PUDP: variants seen among roughly 807,000 people sequenced by gnomAD.
The protein encoded by PUDP is pseudouridine-5'-phosphatase.
Under a neutral mutation model 9.4 loss-of-function variants are expected in PUDP, and 8 were observed. The ratio of observed to expected loss-of-function variants is 0.85; its 90% CI spans 0.50 to 1.53. The LOEUF (loss-of-function observed/expected upper bound fraction) is 1.53. Ranked by LOEUF, PUDP falls within the 40% of genes most tolerant of loss-of-function variation. The probability of loss-of-function intolerance (pLI) is 0.00; values close to 1 mark genes in which losing one functional copy is unlikely to be tolerated. For missense variants in PUDP, 188 were observed against 189.7 expected (o/e 0.99, Z 0.05); for synonymous variants, 99 against 80.7 (o/e 1.23, Z -1.22).
Position 6,868,387 on chromosome X carries a change from G to T in PUDP, c.*247+108746C>A, listed in dbSNP as rs1024766025. Reference sequence around the variant, plus strand: ...TCATGATTAAGATTGTATTGAACAGGTCTAAAGGTTCAAGAATATTAGCAA... The same window carrying T: ...TCATGATTAAGATTGTATTGAACAGTTCTAAAGGTTCAAGAATATTAGCAA... On this transcript the variant is annotated intron_variant and NMD_transcript_variant, in intron 3 of 3. Coordinates refer to the PUDP transcript ENST00000655425. Among the ~76,000 whole-genome samples the T allele has an allele frequency of 3.6e-5, 4 of 111,738 alleles. No homozygotes were observed. In the Admixed American group the frequency reaches 3.8e-4, roughly 11 times the overall value.
At chrX:6,901,027 C>T (rs901842430) in intron 3 of PUDP, among the ~76,000 whole-genome samples, 2 of 111,238 alleles carry the variant, frequency 1.8e-5, no homozygotes, top group African/African-American at 6.5e-5. Flanking sequence ...CCGCCCGCCT[C>T]GGCCTCCAAA....
At chrX:6,968,779 C>A (rs1045514640) in intron 3 of PUDP, among the ~76,000 whole-genome samples, 2 of 111,014 alleles carry the variant, frequency 1.8e-5, no homozygotes, top group African/African-American at 6.6e-5. Flanking sequence ...GCCACCATAC[C>A]CAGCTAATTT....
intron 3 of PUDP, among the ~76,000 whole-genome samples, chrX:6,793,033 T>C (rs1320584613): frequency 1.8e-5 from 2 of 112,359 alleles, no homozygotes; most frequent in Non-Finnish European, 3.8e-5. Flanking sequence ...CTGGGTAATT[T>C]ATAAAGAGTA....
At chrX:6,927,004 T>C (rs1363624113) in intron 3 of PUDP, among the ~76,000 whole-genome samples, 1 of 98,504 alleles carries the variant, frequency 1.0e-5, no homozygotes, top group African/African-American at 3.8e-5. Flanking sequence ...CACGGGTCAC[T>C]ACAGCCTCAA....
intron 3 of PUDP, among the ~76,000 whole-genome samples, chrX:6,875,942 T>C (rs758337098): frequency 8.9e-6 from 1 of 112,310 alleles, no homozygotes; most frequent in Non-Finnish European, 1.9e-5. Context: ...TATTATTACA[T>C]AGTTCATTAT....
chrX:6,710,773 T>A (rs1380383830), intron 1 of PUDP, among the ~76,000 whole-genome samples: 1 of 111,486 alleles, frequency 9.0e-6, no homozygotes, highest in African/African-American at 3.3e-5. Context: ...AGGTCTGGGG[T>A]TTTTCTGTGT....
intron 3 of PUDP, among the ~76,000 whole-genome samples, chrX:6,745,574 G>A (rs1158362592): frequency 1.8e-5 from 2 of 111,957 alleles, no homozygotes; most frequent in African/African-American, 6.5e-5. Context: ...TTCTGGAAGT[G>A]GCCAGTGGGT....
chrX:6,794,640 G>A (rs1184841219), intron 3 of PUDP, among the ~76,000 whole-genome samples: 2 of 106,701 alleles, frequency 1.9e-5, no homozygotes, highest in Admixed American at 1.0e-4. Context: ...GTGCAATCTC[G>A]GGTCACTGCA....
chrX:6,780,225 ATG>A (rs755024359), intron 3 of PUDP, among the ~76,000 whole-genome samples: 23 of 109,513 alleles, frequency 2.1e-4, no homozygotes, highest in Middle Eastern at 4.8e-3. Flanking sequence ...ATCTATGAAT[ATG>A]TGTGTGTGTA....
chrX:7,047,791 T>C (rs1319974333), downstream of PUDP, among the ~76,000 whole-genome samples: 1 of 112,687 alleles, frequency 8.9e-6, no homozygotes, highest in Non-Finnish European at 1.9e-5. Flanking sequence ...TACAGAACAA[T>C]GTTCTGCAGA....
At chrX:7,110,476 C>CACA in intron 1 of PUDP, among the ~76,000 whole-genome samples, 1 of 111,642 alleles carries the variant, frequency 9.0e-6, no homozygotes, top group East Asian at 2.8e-4. Context: ...CTGTGAGTTG[C>CACA]GTTATTTACG....
chrX:6,980,218 C>T (rs1397124322), intron 1 of PUDP, among the ~76,000 whole-genome samples: 1 of 79,454 alleles, frequency 1.3e-5, no homozygotes, highest in African/African-American at 4.9e-5. Flanking sequence ...CTTTTCTTTT[C>T]TTTTCTCTGA....
intron 3 of PUDP, among the ~76,000 whole-genome samples, chrX:7,060,338 A>G (rs1183059290): frequency 8.9e-6 from 1 of 112,362 alleles, no homozygotes; most frequent in African/African-American, 3.2e-5. Context: ...TGTTGTTTTC[A>G]CTGGCCTCCC....
chrX:6,982,872 A>C (rs780047962), intron 1 of PUDP, among the ~76,000 whole-genome samples: 1 of 112,527 alleles, frequency 8.9e-6, no homozygotes, highest in Admixed American at 9.4e-5. Context: ...GATTTCTCTC[A>C]CTGTCATACT....
chrX:7,039,422 C>T (rs996455519), intron 1 of PUDP, among the ~76,000 whole-genome samples: 1 of 112,032 alleles, frequency 8.9e-6, no homozygotes, highest in African/African-American at 3.2e-5. Flanking sequence ...ACCCAGTACC[C>T]GGAATGTGAT....
At chrX:7,026,580 C>T (rs143832995) in intron 1 of PUDP, among the ~76,000 whole-genome samples, 1 of 111,652 alleles carries the variant, frequency 9.0e-6, no homozygotes, top group Admixed American at 9.5e-5. Flanking sequence ...GGCCCCCATG[C>T]GGTTGGTCTC....
intron 3 of PUDP, among the ~76,000 whole-genome samples, chrX:6,794,939 CTTTTGACTGTT>C (rs1287616144): frequency 1.2e-5 from 1 of 84,565 alleles, no homozygotes; most frequent in African/African-American, 4.5e-5. Flanking sequence ...TTTTTTTTAG[CTTTTGACTGTT>C]TTATAAAAAC....
intron 3 of PUDP, among the ~76,000 whole-genome samples, chrX:6,802,905 ACATAACATAACATAACATAACATAAAAT>A (rs1323268835): frequency 0.069 from 495 of 7,207 alleles, 151 homozygotes; most frequent in East Asian, 0.35. Context: ...ACATAACATA[ACATAACATAACATAACATAACATAAAAT>A]AATAAAATAA....
At chrX:6,865,710 C>CA (rs1927069318) in intron 3 of PUDP, among the ~76,000 whole-genome samples, 1 of 110,115 alleles carries the variant, frequency 9.1e-6, no homozygotes, top group Non-Finnish European at 1.9e-5. Context: ...GGCAGATATG[C>CA]AAAAAAAGTG....
Sources: gnomAD v4.1 joint callset for allele counts (sites outside exome capture counted in the v4.1 genomes callset) on GRCh38, gnomAD v4.1.1 for gene constraint, MANE v1.5 for transcripts, NCBI Gene and HGNC (gene_info 2026-07-23, HGNC 2026-07-21) for gene names.